KANK1: variants seen among roughly 807,000 people sequenced by gnomAD.
KANK1 encodes the protein KN motif and ankyrin repeat domains 1.
KANK1 carries 109 observed loss-of-function variants against 106.2 expected under a neutral mutation model. The observed-to-expected ratio is 1.03, with a 90% CI of 0.88 to 1.20. The LOEUF is 1.20. Ranked by LOEUF, KANK1 falls within the 50% of genes most tolerant of loss-of-function variation. The pLI is 0.00. For missense variants in KANK1, 2,399 were observed against 1,710.7 expected (o/e 1.40, Z -7.10); for synonymous variants, 873 against 652.2 (o/e 1.34, Z -5.16).
At chr9:544,828 G>T (rs2060835765) in intron 1 of KANK1, among the ~76,000 whole-genome samples, 1 of 149,624 alleles carries the variant, frequency 6.7e-6, no homozygotes, top group African/African-American at 2.5e-5. Context: ...GGGTGGGAGG[G>T]TAGGTCATAA....
At chr9:613,130 G>C (rs748763497) in intron 1 of KANK1, among the ~76,000 whole-genome samples, 19 of 151,992 alleles carry the variant, frequency 1.3e-4, no homozygotes, top group Non-Finnish European at 2.5e-4. Flanking sequence ...CTTGTAAGTA[G>C]ACCAGAATAG....
rs1826250170 is a variant in KANK1, at chr9:712,000, A to ATCG, written c.1239_1241dup (p.Val414dup). The ATCG allele has an allele frequency of 1.2e-6, 2 of 1,614,080 alleles. No homozygotes were observed. Among genetic ancestry groups the ATCG allele is most frequent in the Admixed American group, 3.3e-5 (2 of 60,002 alleles). On this transcript the variant is annotated inframe_insertion, in exon 3 of 12. Coordinates refer to ENST00000382297, the MANE Select transcript of KANK1 (RefSeq NM_015158.5). ...GGGTGCCGAGGAGAACATGAACGAC[A>ATCG]TCGTCGTGTACCACAGAGGCTCCAG... is the stretch of plus-strand genomic sequence containing the variant.
rs879794761 is a variant in KANK1, at chr9:682,279, C to CA, written c.37+5283dup. Reference sequence around the variant, plus strand: ...TCCATGACAAAGTGAGACTCCGTCTCAAAAAAAAAAAAAGAAAAGTTATTT... The same window carrying CA: ...TCCATGACAAAGTGAGACTCCGTCTCAAAAAAAAAAAAAAGAAAAGTTATTT... On this transcript the variant is annotated intron_variant, in intron 2 of 11. Coordinates refer to ENST00000382297, the MANE Select transcript of KANK1 (RefSeq NM_015158.5). Among the ~76,000 whole-genome samples, 680 of 105,598 alleles carry CA rather than the reference C, an allele frequency of 6.4e-3. 4 individuals carry two copies. Among genetic ancestry groups the CA allele is most frequent in the African/African-American group, 0.015 (442 of 28,700 alleles). The allele number at this position is 105,598 out of a possible 152,430, so 69.3% of individuals were successfully genotyped here.
chr9:727,286 C>G (rs1830935545), intron 3 of KANK1, among the ~76,000 whole-genome samples: 1 of 151,974 alleles, frequency 6.6e-6, no homozygotes, highest in African/African-American at 2.4e-5. Context: ...ACAGTTAACC[C>G]ATATTCACTA....
chr9:555,652 A>G (rs953547544), intron 1 of KANK1, among the ~76,000 whole-genome samples: 2 of 152,178 alleles, frequency 1.3e-5, no homozygotes, highest in African/African-American at 4.8e-5. Context: ...TTGGCTGGAG[A>G]TGAAATCACA....
chr9:636,607 C>G (rs1346966327), intron 1 of KANK1, among the ~76,000 whole-genome samples: 2 of 152,212 alleles, frequency 1.3e-5, no homozygotes, highest in African/African-American at 2.4e-5. Flanking sequence ...GTGGCTCACA[C>G]CTGTAATCCC....
intron 1 of KANK1, among the ~76,000 whole-genome samples, chr9:600,796 T>A (rs913691792): frequency 6.6e-6 from 1 of 151,910 alleles, no homozygotes; most frequent in Non-Finnish European, 1.5e-5. Context: ...GAATACCCAG[T>A]GTTCGCTTCT....
chr9:501,633 CACACACA>C (rs2058554999), upstream of KANK1, among the ~76,000 whole-genome samples: 1 of 151,968 alleles, frequency 6.6e-6, no homozygotes, highest in African/African-American at 2.4e-5. Flanking sequence ...CACACACACA[CACACACA>C]CCCCAATTGC....
At chr9:506,547 T>TGTGC (rs1563685167) in intron 1 of KANK1, among the ~76,000 whole-genome samples, 1 of 151,908 alleles carries the variant, frequency 6.6e-6, no homozygotes, top group Non-Finnish European at 1.5e-5. Context: ...TGTGTGTGTG[T>TGTGC]GCGTGTGCGT....
At chr9:680,263 G>A (rs57622067) in intron 2 of KANK1, among the ~76,000 whole-genome samples, 5,704 of 152,156 alleles carry the variant, frequency 0.037, 374 homozygotes, top group African/African-American at 0.13. Context: ...CTGGGAAAGG[G>A]CAAACCATGC....
rs775769684 is a variant in KANK1 at position 633,282 on chromosome 9, G to A, written c.-83-43608G>A. On this transcript the variant is annotated intron_variant, in intron 1 of 11. Transcript: ENST00000382297. The stretch of plus-strand genomic sequence containing the variant: ...CCATCCCGGCTAACACGGTGAAATC[G>A]CATCTCTACTAAAAATACAAAAAAA... Among the ~76,000 whole-genome samples, 7 of 151,922 alleles carry A rather than the reference G, an allele frequency of 4.6e-5. No individual in the cohort carries two copies. In the East Asian group the frequency reaches 5.9e-4, roughly 13 times the overall value.
At chr9:577,530 A>G (rs1056471222) in intron 1 of KANK1, among the ~76,000 whole-genome samples, 10 of 152,218 alleles carry the variant, frequency 6.6e-5, no homozygotes, top group Non-Finnish European at 1.5e-4. Flanking sequence ...AAGTTCTCCA[A>G]GTCCGCACCC....
At chr9:478,481 C>T (rs551845299) in intron 3 of KANK1, 1 of 152,370 alleles carries the variant, frequency 6.6e-6, no homozygotes, top group Non-Finnish European at 1.5e-5. Context: ...TCCCCATGCA[C>T]AGATGTCAGT....
rs546188609 is a variant in KANK1 at position 509,534 on chromosome 9, A to G, written c.-84+4780A>G. 1.6e-4 allele frequency among the ~76,000 whole-genome samples: 25 copies of G among 152,342 alleles called. No homozygotes were observed. The South Asian group carries it at 3.7e-3, about 23-fold the overall frequency. ...TTTTGTTTCTTAACACAGTATCTTA[A>G]TATTGCTTCAGTCTCTGACTTTTTA... is the stretch of plus-strand genomic sequence containing the variant. On this transcript the variant is annotated intron_variant, in intron 1 of 11. Transcript: ENST00000382297.
At chr9:581,673 C>A (rs965805918) in intron 1 of KANK1, among the ~76,000 whole-genome samples, 1 of 152,146 alleles carries the variant, frequency 6.6e-6, no homozygotes, top group African/African-American at 2.4e-5. Context: ...GAAAGATTCA[C>A]CTCGATTATT....
intron 1 of KANK1, among the ~76,000 whole-genome samples, chr9:604,425 C>A (rs1197175601): frequency 6.6e-6 from 1 of 151,644 alleles, no homozygotes; most frequent in Admixed American, 6.6e-5. Context: ...CTCATGAGAT[C>A]TAATGGTTTA....
At chr9:609,829 T>C (rs10975395) in intron 1 of KANK1, among the ~76,000 whole-genome samples, 110,262 of 151,982 alleles carry the variant, frequency 0.73, 40,742 homozygotes, top group Non-Finnish European at 0.8. Context: ...TACTTTCTAG[T>C]AAGTATTTTA....
chr9:521,127 T>C (rs976717844), intron 1 of KANK1, among the ~76,000 whole-genome samples: 1 of 151,820 alleles, frequency 6.6e-6, no homozygotes, highest in Non-Finnish European at 1.5e-5. Context: ...ATATAAAAGA[T>C]ATGAAATCGG....
intron 3 of KANK1, among the ~76,000 whole-genome samples, chr9:493,628 A>G (rs929350669): frequency 4.1e-5 from 6 of 148,022 alleles, no homozygotes; most frequent in African/African-American, 1.0e-4. Context: ...GCTCACTGCA[A>G]CCTCTACCTC....
Sources: gnomAD v4.1 joint callset for allele counts (sites outside exome capture counted in the v4.1 genomes callset) on GRCh38, gnomAD v4.1.1 for gene constraint, MANE v1.5 for transcripts, NCBI Gene and HGNC (gene_info 2026-07-23, HGNC 2026-07-21) for gene names.